CCDC141: variants seen among roughly 807,000 people sequenced by gnomAD.
The protein encoded by CCDC141 is coiled-coil domain-containing protein 141.
Under a neutral mutation model 181.0 loss-of-function variants are expected in CCDC141, and 168 were observed. That is an observed-to-expected ratio of 0.93 (90% CI 0.82 to 1.05). The LOEUF (loss-of-function observed/expected upper bound fraction) is 1.05. CCDC141 is among the 50% of genes least tolerant of loss of function. The probability of loss-of-function intolerance (pLI) is 0.00; values close to 1 mark genes in which losing one functional copy is unlikely to be tolerated. For synonymous variants in CCDC141, 666 were observed against 642.3 expected (o/e 1.04, Z -0.56); for missense variants, 1,902 against 1,788.5 (o/e 1.06, Z -1.14).
intron 22 of CCDC141, among the ~76,000 whole-genome samples, chr2:178,838,187 G>A (rs758288042): frequency 2.7e-4 from 41 of 152,182 alleles, no homozygotes; most frequent in Non-Finnish European, 4.6e-4. Context: ...GGACTCTCCC[G>A]GAATAACCTG....
intron 12 of CCDC141, chr2:178,873,325 T>A (rs2154369349): frequency 6.6e-6 from 1 of 152,212 alleles, no homozygotes. Context: ...AGGTCCTAAA[T>A]GAGATTTCCC....
chr2:178,828,552 T>G (rs904774426), downstream of CCDC141, among the ~76,000 whole-genome samples: 1 of 152,176 alleles, frequency 6.6e-6, no homozygotes, highest in African/African-American at 2.4e-5. Flanking sequence ...TGGAGCTGCA[T>G]TCACTTGAAT....
intron 2 of CCDC141, among the ~76,000 whole-genome samples, chr2:178,984,747 A>G (rs1158320888): frequency 6.6e-6 from 1 of 151,262 alleles, no homozygotes; most frequent in Non-Finnish European, 1.5e-5. Context: ...AAAGGGATCA[A>G]TTCAACAAGA....
In CCDC141 at chr2:178,865,758, C is replaced by G; in HGVS notation, c.2724+9G>C. On this transcript the variant is annotated intron_variant, in intron 17 of 23. Transcript: ENST00000443758. ...GCAATGTGCCAGTTCTCACCCCTCC[C>G]ACACCCACCTCATTTATCTCGTCTC... 2 of 1,483,898 alleles carry G rather than the reference C, an allele frequency of 1.3e-6. No homozygotes were observed. Among genetic ancestry groups the G allele is most frequent in the Non-Finnish European group, 1.8e-6 (2 of 1,112,492 alleles). The allele number at this position is 1,483,898 out of a possible 1,614,324, so 91.9% of individuals were successfully genotyped here. A position where few individuals can be genotyped will look rare whatever the true frequency, so the allele number is the denominator to read the frequency against.
intron 6 of CCDC141, among the ~76,000 whole-genome samples, chr2:178,943,498 T>A (rs553908556): frequency 6.6e-6 from 1 of 152,290 alleles, no homozygotes; most frequent in African/African-American, 2.4e-5. Context: ...TCCTGCCTAC[T>A]CCTAACCTCC....
chr2:179,037,792 A>G (rs2043185379), intron 2 of CCDC141, among the ~76,000 whole-genome samples: 1 of 152,212 alleles, frequency 6.6e-6, no homozygotes, highest in African/African-American at 2.4e-5. Context: ...TAAAACCACA[A>G]TAACATATCA....
rs1407915125 is a variant in CCDC141 at position 178,946,252 on chromosome 2, G to A, written c.781-1601C>T. Among the ~76,000 whole-genome samples the A allele has an allele frequency of 2.0e-5, 3 of 151,902 alleles. No homozygotes were observed. The South Asian group carries it at 6.2e-4, about 32-fold the overall frequency. ...AATTATTTGAAGACAGTGTTTTTCT[G>A]GTATCCAATTAGAGCTAGATGATAT... is the stretch of plus-strand genomic sequence containing the variant. On this transcript the variant is annotated intron_variant, in intron 5 of 23. Coordinates refer to ENST00000443758, the MANE Select transcript of CCDC141 (RefSeq NM_173648.4).
chr2:178,830,230 C>A lies in CCDC141; in HGVS notation c.*3943G>T, dbSNP rs900419855. 2.6e-5 allele frequency: 4 copies of A among 152,182 alleles called. No homozygotes were observed. Among genetic ancestry groups the A allele is most frequent in the Admixed American group, 1.3e-4 (2 of 15,282 alleles). 9.4% of individuals were successfully genotyped at this position (152,182 alleles called of 1,614,324 possible). A position where few individuals can be genotyped will look rare whatever the true frequency, so the allele number is the denominator to read the frequency against. On this transcript the variant is annotated 3_prime_UTR_variant, in exon 24 of 24. Coordinates refer to ENST00000443758, the MANE Select transcript of CCDC141 (RefSeq NM_173648.4). ...TTTAAAATGTTGGAACAATATTGATCCAGGAACAACAATCCTGGACCTTTC... is the reference window on the plus strand; with the variant it reads ...TTTAAAATGTTGGAACAATATTGATACAGGAACAACAATCCTGGACCTTTC...
At chr2:178,895,657 A>G (rs1418592490) in intron 8 of CCDC141, among the ~76,000 whole-genome samples, 3 of 152,190 alleles carry the variant, frequency 2.0e-5, no homozygotes, top group Non-Finnish European at 4.4e-5. Flanking sequence ...AGAACAGCTT[A>G]ATATAGACAT....
At chr2:178,967,626 C>T (rs879697949) in intron 4 of CCDC141, among the ~76,000 whole-genome samples, 10 of 152,180 alleles carry the variant, frequency 6.6e-5, no homozygotes, top group Non-Finnish European at 1.5e-4. Flanking sequence ...GTACCAGCCA[C>T]TGCAAAAACA....
chr2:178,905,778 C>T (rs951699936), intron 7 of CCDC141, among the ~76,000 whole-genome samples: 1 of 152,150 alleles, frequency 6.6e-6, no homozygotes, highest in Non-Finnish European at 1.5e-5. Flanking sequence ...CTATACAACA[C>T]AAAGAGTTAT....
At chr2:178,935,190 G>A (rs922678814) in intron 6 of CCDC141, among the ~76,000 whole-genome samples, 6 of 151,924 alleles carry the variant, frequency 3.9e-5, no homozygotes, top group Non-Finnish European at 8.8e-5. Flanking sequence ...CTCCTGTCAC[G>A]GGGTTTGTTG....
intron 2 of CCDC141, among the ~76,000 whole-genome samples, chr2:179,020,063 T>C (rs2042651315): frequency 6.6e-6 from 1 of 152,074 alleles, no homozygotes; most frequent in African/African-American, 2.4e-5. Flanking sequence ...GCTGGAAAGA[T>C]CATTTGATAG....
chr2:179,006,906 C>G (rs1292420260), intron 2 of CCDC141, among the ~76,000 whole-genome samples: 1 of 152,050 alleles, frequency 6.6e-6, no homozygotes, highest in Non-Finnish European at 1.5e-5. Flanking sequence ...CTTTTCTTCT[C>G]TCTCAGTAGA....
intron 2 of CCDC141, among the ~76,000 whole-genome samples, chr2:179,041,839 A>C (rs1241486448): frequency 6.6e-6 from 1 of 152,164 alleles, no homozygotes; most frequent in Non-Finnish European, 1.5e-5. Context: ...AAAGGTAAAA[A>C]TTTCAGTTCA....
chr2:178,872,364 T>G, intron 12 of CCDC141, 52 bp from the exon 13 acceptor site: 1 of 1,486,538 alleles, frequency 6.7e-7, no homozygotes. Context: ...GAGATACAGC[T>G]TTTTGTTGTA....
At chr2:178,854,532 A>G (rs1032628443) in intron 19 of CCDC141, among the ~76,000 whole-genome samples, 1 of 152,216 alleles carries the variant, frequency 6.6e-6, no homozygotes, top group African/African-American at 2.4e-5. Context: ...TCAAAAATAA[A>G]TAAATAAATA....
At chr2:178,856,197 A>C (rs1396961914) in intron 18 of CCDC141, 60 bp downstream of exon 18, 3 of 1,384,680 alleles carry the variant, frequency 2.2e-6, no homozygotes, top group Non-Finnish European at 2.9e-6. Flanking sequence ...ACAATTTTGC[A>C]ATAATTGTGT....
chr2:178,999,613 G>C (rs1474453647), intron 2 of CCDC141, among the ~76,000 whole-genome samples: 6 of 152,120 alleles, frequency 3.9e-5, no homozygotes, highest in Admixed American at 1.3e-4. Context: ...CTCAGTGCTT[G>C]ATTCTTTTTT....
Sources: gnomAD v4.1 joint callset for allele counts (sites outside exome capture counted in the v4.1 genomes callset) on GRCh38, gnomAD v4.1.1 for gene constraint, MANE v1.5 for transcripts, NCBI Gene and HGNC (gene_info 2026-07-23, HGNC 2026-07-21) for gene names.